Variants in CYP19A1 observed in about 807,000 individuals in gnomAD.
CYP19A1 encodes the protein cytochrome P450 family 19 subfamily A member 1, also known as aromatase.
A neutral mutation model predicts 44.4 loss-of-function variants in CYP19A1; 32 were observed. The ratio of observed to expected loss-of-function variants is 0.72; its 90% CI spans 0.54 to 0.97. CYP19A1 has a LOEUF of 0.97. Ranked by LOEUF, CYP19A1 falls within the 50% of genes least tolerant of loss-of-function variation. The pLI is 0.00. For synonymous variants in CYP19A1, 212 were observed against 215.6 expected (o/e 0.98, Z 0.14); for missense variants, 598 against 637.8 (o/e 0.94, Z 0.67).
intron 3 of CYP19A1, among the ~76,000 whole-genome samples, chr15:51,234,401 C>A (rs1284077160): frequency 6.6e-6 from 1 of 152,062 alleles, no homozygotes; most frequent in African/African-American, 2.4e-5. Flanking sequence ...CTGAGTCGGT[C>A]GGGGTTGTTG....
chr15:51,317,707 G>A (rs925121170), intron 1 of CYP19A1, among the ~76,000 whole-genome samples: 7 of 152,212 alleles, frequency 4.6e-5, no homozygotes, highest in African/African-American at 1.4e-4. Context: ...GAATATGATG[G>A]AAGGTTCTTG....
intron 1 of CYP19A1, among the ~76,000 whole-genome samples, chr15:51,328,717 C>T (rs2036653215): frequency 6.6e-6 from 1 of 152,136 alleles, no homozygotes; most frequent in African/African-American, 2.4e-5. Flanking sequence ...GATATTTGGT[C>T]AAACATTTTT....
intron 1 of CYP19A1, among the ~76,000 whole-genome samples, chr15:51,301,068 G>A (rs1480957029): frequency 6.6e-6 from 1 of 152,170 alleles, no homozygotes; most frequent in Non-Finnish European, 1.5e-5. Flanking sequence ...AGATCCAAAG[G>A]TGACTGCCAC....
chr15:51,266,028 T>A (rs2034906627), intron 1 of CYP19A1, among the ~76,000 whole-genome samples: 1 of 152,210 alleles, frequency 6.6e-6, no homozygotes, highest in Non-Finnish European at 1.5e-5. Flanking sequence ...AATGGCTGGC[T>A]TCCTTTGCAC....
rs700518 is a variant in CYP19A1 at position 51,236,915 on chromosome 15, T to C, written c.240A>G (p.Val80=). Residue 80 remains valine, a synonymous_variant, in exon 3 of 10, where the codon GTA becomes GTG. Coordinates refer to ENST00000396402, the MANE Select transcript of CYP19A1 (RefSeq NM_000103.4). ...IGSACNYYNR[V]YGEFMRVWIS... ...TCCAGACTCGCATGAATTCTCCATA[T>C]ACCCGGTTGTAGTAGTTGCAGGCAC... is the stretch of plus-strand genomic sequence containing the variant. 0.47 allele frequency: 761,897 copies of C among 1,613,856 alleles called. 186,049 individuals carry two copies. Among genetic ancestry groups the C allele is most frequent in the Non-Finnish European group, 0.51 (601,418 of 1,179,890 alleles).
At chr15:51,280,104 A>G (rs2035461965) in intron 1 of CYP19A1, 1 of 152,172 alleles carries the variant, frequency 6.6e-6, no homozygotes, top group Admixed American at 6.6e-5. Context: ...TCTAAAACTA[A>G]AAGCCTGCCC....
intron 1 of CYP19A1, among the ~76,000 whole-genome samples, chr15:51,244,808 T>G (rs890840409): frequency 1.3e-5 from 2 of 152,148 alleles, no homozygotes; most frequent in Non-Finnish European, 2.9e-5. Flanking sequence ...AGCAAAGAGA[T>G]AAGATGTTGC....
chr15:51,333,628 C>T (rs2036734360), intron 1 of CYP19A1, among the ~76,000 whole-genome samples: 1 of 152,190 alleles, frequency 6.6e-6, no homozygotes, highest in Non-Finnish European at 1.5e-5. Context: ...GAAGTTGGCC[C>T]TGGTGGAGGT....
intron 1 of CYP19A1, among the ~76,000 whole-genome samples, chr15:51,244,481 A>G (rs2141128362): frequency 6.6e-6 from 1 of 152,046 alleles, no homozygotes; most frequent in East Asian, 1.9e-4. Context: ...TTTTTAATAT[A>G]TATAAGTCGA....
intron 1 of CYP19A1, among the ~76,000 whole-genome samples, chr15:51,311,745 C>CCCTGG (rs2036314972): frequency 6.6e-6 from 1 of 152,162 alleles, no homozygotes; most frequent in Admixed American, 6.5e-5. Context: ...GAGCTTTTGA[C>CCCTGG]CCTGGGGTAA....
intron 1 of CYP19A1, among the ~76,000 whole-genome samples, chr15:51,253,556 C>T (rs909698237): frequency 2.6e-5 from 4 of 152,156 alleles, no homozygotes; most frequent in African/African-American, 7.2e-5. Flanking sequence ...AGTGCCCCTT[C>T]CCACCCACAC....
At chr15:51,237,291 G>A (rs1248875669) in intron 2 of CYP19A1, among the ~76,000 whole-genome samples, 1 of 152,222 alleles carries the variant, frequency 6.6e-6, no homozygotes, top group Non-Finnish European at 1.5e-5. Flanking sequence ...ACTGGGGTGT[G>A]TGTGCTAATT....
chr15:51,236,956 A>G lies in CYP19A1; in HGVS notation c.199T>C (p.Trp67Arg). 1 of 1,614,212 alleles carries G rather than the reference A, an allele frequency of 6.2e-7. No individual in the cohort carries two copies. Residue 67 changes from tryptophan (W) to arginine (R), a missense_variant, in exon 3 of 10, where the codon TGG becomes CGG. Transcript: ENST00000396402. ...TTGCAGGCACTGCCGATCCCCATCC[A>G]CAGGAATCTGCCGTGGGAGATGAGG... is the stretch of plus-strand genomic sequence containing the variant. ...GPLISHGRFL[W>R]MGIGSACNYY...
At chr15:51,283,675 C>T (rs1327090263) in intron 1 of CYP19A1, among the ~76,000 whole-genome samples, 1 of 152,172 alleles carries the variant, frequency 6.6e-6, no homozygotes, top group Non-Finnish European at 1.5e-5. Flanking sequence ...GAACTACTAC[C>T]GTCAATCAAC....
intron 1 of CYP19A1, among the ~76,000 whole-genome samples, chr15:51,314,930 T>C (rs1595780024): frequency 6.6e-6 from 1 of 152,102 alleles, no homozygotes; most frequent in Non-Finnish European, 1.5e-5. Flanking sequence ...TGTCTCAAAT[T>C]CCTCAACCTC....
chr15:51,241,132 T>C (rs2033738212), intron 2 of CYP19A1, among the ~76,000 whole-genome samples: 2 of 152,186 alleles, frequency 1.3e-5, no homozygotes, highest in Non-Finnish European at 2.9e-5. Context: ...GGCCCAGAAA[T>C]GGTGGACAGA....
rs191177364 is a variant in CYP19A1, at chr15:51,215,956, T to A, written c.744-139A>T. 1,572 of 1,461,494 alleles carry A rather than the reference T, an allele frequency of 1.1e-3. 10 individuals are homozygous for A. The Middle Eastern group carries it at 0.012, about 11-fold the overall frequency. The allele number at this position is 1,461,494 out of a possible 1,614,324, so 90.5% of individuals were successfully genotyped here. A position where few individuals can be genotyped will look rare whatever the true frequency, so the allele number is the denominator to read the frequency against. ...GCTTATGAGTAAGTGAATTACTATT[T>A]TATTTCTTCATAAATACCCTTAAAT... is the stretch of plus-strand genomic sequence containing the variant. On this transcript the variant is annotated intron_variant, in intron 6 of 9. Transcript: ENST00000396402.
chr15:51,314,393 T>G (rs1406032492), intron 1 of CYP19A1, among the ~76,000 whole-genome samples: 2 of 152,174 alleles, frequency 1.3e-5, no homozygotes, highest in Non-Finnish European at 2.9e-5. Flanking sequence ...TCAGGCATGT[T>G]GGGCTTTTAG....
At chr15:51,322,456 G>C (rs570569116) in intron 1 of CYP19A1, among the ~76,000 whole-genome samples, 2 of 152,350 alleles carry the variant, frequency 1.3e-5, no homozygotes, top group African/African-American at 2.4e-5. Context: ...TTGGCATTTA[G>C]AGATAAATTT....
Sources: allele counts gnomAD v4.1 joint callset (sites outside exome capture counted in the v4.1 genomes callset), GRCh38; gene constraint gnomAD v4.1.1; transcripts MANE v1.5; gene names NCBI Gene and HGNC (gene_info 2026-07-23, HGNC 2026-07-21).